Variants in UNC5D observed in about 807,000 individuals in gnomAD.
The protein encoded by UNC5D is netrin receptor UNC5D.
UNC5D carries 39 observed loss-of-function variants against 105.4 expected under a neutral mutation model. The observed-to-expected ratio is 0.37, with a 90% CI of 0.29 to 0.48. UNC5D has a LOEUF of 0.48. Among genes scored for constraint, UNC5D ranks in the 20% least tolerant of loss-of-function variants. The pLI is 0.98. For synonymous variants in UNC5D, 452 were observed against 450.4 expected (o/e 1.00, Z -0.04); for missense variants, 991 against 1,202.4 (o/e 0.82, Z 2.60).
At chr8:35,779,145 A>G (rs1295640443) in intron 16 of UNC5D, among the ~76,000 whole-genome samples, 1 of 152,228 alleles carries the variant, frequency 6.6e-6, no homozygotes, top group Non-Finnish European at 1.5e-5. Flanking sequence ...CAGCTGTAAT[A>G]ACTCCATTTC....
chr8:35,326,108 C>G (rs1016152669), intron 1 of UNC5D, among the ~76,000 whole-genome samples: 1 of 152,188 alleles, frequency 6.6e-6, no homozygotes, highest in Non-Finnish European at 1.5e-5. Flanking sequence ...ACCAAATTCT[C>G]TTAATATAGA....
intron 1 of UNC5D, among the ~76,000 whole-genome samples, chr8:35,509,809 A>G (rs1271978825): frequency 6.6e-6 from 1 of 152,040 alleles, no homozygotes; most frequent in East Asian, 2.0e-4. Context: ...AATTGTCTCC[A>G]CTTCAGATGC....
chr8:35,454,516 T>G (rs990670136), intron 1 of UNC5D, among the ~76,000 whole-genome samples: 16 of 152,250 alleles, frequency 1.1e-4, no homozygotes, highest in Admixed American at 5.9e-4. Flanking sequence ...ACAACCCTCA[T>G]CAGCAGAGAC....
At chr8:35,242,456 G>T (rs1352761967) in intron 1 of UNC5D, among the ~76,000 whole-genome samples, 1 of 151,970 alleles carries the variant, frequency 6.6e-6, no homozygotes, top group African/African-American at 2.4e-5. Context: ...ACAGGTGTTG[G>T]CAGCTTATTA....
Position 35,283,400 on chromosome 8 carries a change from G to A in UNC5D, c.103+47513G>A, listed in dbSNP as rs1585490913. On this transcript the variant is annotated intron_variant, in intron 1 of 16. Transcript: ENST00000404895. ...TTAAAGAACCCTATTAGTGAGGCAC[G>A]TCATGTCACATTACAAATTAGCAGA... 2.6e-5 allele frequency among the ~76,000 whole-genome samples: 4 copies of A among 152,170 alleles called. No individual in the cohort carries two copies. In the East Asian group the frequency reaches 5.8e-4, roughly 22 times the overall value.
intron 7 of UNC5D, 58 bp from the exon 8 acceptor site, chr8:35,705,871 T>C: frequency 1.8e-6 from 2 of 1,112,352 alleles, no homozygotes; most frequent in South Asian, 2.7e-5. Flanking sequence ...AGGAAATATA[T>C]CTGCTCCATG....
intron 1 of UNC5D, among the ~76,000 whole-genome samples, chr8:35,273,949 C>T (rs900853062): frequency 4.0e-5 from 6 of 151,840 alleles, no homozygotes; most frequent in Non-Finnish European, 8.8e-5. Context: ...TTCCCAGTAT[C>T]ATTTTTATGC....
chr8:35,364,655 T>C (rs929707675), intron 1 of UNC5D, among the ~76,000 whole-genome samples: 1 of 152,160 alleles, frequency 6.6e-6, no homozygotes, highest in Non-Finnish European at 1.5e-5. Flanking sequence ...CACATGCACA[T>C]ACATACACAT....
chr8:35,299,499 T>C (rs1265155053), intron 1 of UNC5D, among the ~76,000 whole-genome samples: 2 of 152,312 alleles, frequency 1.3e-5, no homozygotes, highest in South Asian at 2.1e-4. Context: ...CTTGATGATT[T>C]CCATGCTTTG....
At chr8:35,389,700 C>T (rs1803651597) in intron 1 of UNC5D, among the ~76,000 whole-genome samples, 1 of 149,202 alleles carries the variant, frequency 6.7e-6, no homozygotes, top group Non-Finnish European at 1.5e-5. Flanking sequence ...TAGTTTACCT[C>T]CTTAATGGAA....
intron 1 of UNC5D, among the ~76,000 whole-genome samples, chr8:35,343,160 G>A (rs1321719598): frequency 6.6e-6 from 1 of 152,030 alleles, no homozygotes; most frequent in East Asian, 1.9e-4. Flanking sequence ...ATGTTGTAGG[G>A]TATTAAGATA....
At chr8:35,290,674 C>A (rs527461267) in intron 1 of UNC5D, among the ~76,000 whole-genome samples, 1 of 152,016 alleles carries the variant, frequency 6.6e-6, no homozygotes, top group Non-Finnish European at 1.5e-5. Context: ...GGAGGCCAGG[C>A]GCGGTGGTTC....
intron 1 of UNC5D, among the ~76,000 whole-genome samples, chr8:35,274,333 C>T (rs1199311907): frequency 6.6e-6 from 1 of 152,224 alleles, no homozygotes; most frequent in Admixed American, 6.5e-5. Context: ...CTTAAGAACT[C>T]ATTGCTTAAG....
At chr8:35,482,037 T>C (rs144423540) in intron 1 of UNC5D, among the ~76,000 whole-genome samples, 1 of 152,218 alleles carries the variant, frequency 6.6e-6, no homozygotes, top group Non-Finnish European at 1.5e-5. Flanking sequence ...AGATGATAGA[T>C]AGTGTGTACC....
chr8:35,253,165 T>A (rs139621792), intron 1 of UNC5D, among the ~76,000 whole-genome samples: 178 of 152,002 alleles, frequency 1.2e-3, no homozygotes, highest in African/African-American at 3.8e-3. Flanking sequence ...TGATTGGAAC[T>A]TCTTCTCCCA....
intron 4 of UNC5D, among the ~76,000 whole-genome samples, chr8:35,602,915 T>G (rs1819997501): frequency 7.5e-6 from 1 of 133,634 alleles, no homozygotes; most frequent in Admixed American, 8.9e-5. Flanking sequence ...GACGTTCCCC[T>G]TCCTGTGTCC....
intron 11 of UNC5D, among the ~76,000 whole-genome samples, chr8:35,740,675 A>T (rs1293645079): frequency 3.3e-5 from 5 of 152,092 alleles, no homozygotes; most frequent in Non-Finnish European, 2.9e-5. Context: ...TTTAAACTCC[A>T]GGTTTGGAGA....
chr8:35,621,392 A>G (rs984732639), intron 4 of UNC5D, among the ~76,000 whole-genome samples: 5 of 152,162 alleles, frequency 3.3e-5, no homozygotes, highest in African/African-American at 1.2e-4. Context: ...CAGAAAATAT[A>G]TGTTGAAGGA....
At chr8:35,345,087 C>T (rs373032137) in intron 1 of UNC5D, among the ~76,000 whole-genome samples, 1 of 151,976 alleles carries the variant, frequency 6.6e-6, no homozygotes, top group Admixed American at 6.6e-5. Flanking sequence ...AAAGTTTGAT[C>T]TATATATTAA....
Sources: gnomAD v4.1 joint callset for allele counts (sites outside exome capture counted in the v4.1 genomes callset) on GRCh38, gnomAD v4.1.1 for gene constraint, MANE v1.5 for transcripts, NCBI Gene and HGNC (gene_info 2026-07-23, HGNC 2026-07-21) for gene names.